The following GFM1 variants were observed in gnomAD, a reference collection of about 807,000 sequenced individuals.
GFM1 encodes the protein G elongation factor mitochondrial 1.
Under a neutral mutation model 96.2 loss-of-function variants are expected in GFM1, and 62 were observed. The observed-to-expected ratio is 0.64, with a 90% CI of 0.53 to 0.80. The LOEUF (loss-of-function observed/expected upper bound fraction) is 0.80, where lower values mean the gene tolerates loss of function less well. GFM1 is among the 30% of genes least tolerant of loss of function. The pLI is 0.00. For synonymous variants in GFM1, 282 were observed against 312.9 expected (o/e 0.90, Z 1.04); for missense variants, 852 against 916.6 (o/e 0.93, Z 0.91).
Position 158,662,626 on chromosome 3 carries a change from A to G in GFM1, c.1324-2A>G, listed in dbSNP as rs1437912171. The G allele has an allele frequency of 6.4e-7, 1 of 1,569,512 alleles. No individual in the cohort carries two copies. ...TCTGTTTTCTTTTAAAAAATATTTTAGGAGTCAATTCATGTTCCTGATCCT... is the reference window on the plus strand; with the variant it reads ...TCTGTTTTCTTTTAAAAAATATTTTGGGAGTCAATTCATGTTCCTGATCCT... On this transcript the variant is annotated splice_acceptor_variant, in intron 10 of 17. Transcript: ENST00000486715. LOFTEE classifies it high-confidence loss of function.
At chr3:158,666,028 T>G (rs1034842898) in intron 12 of GFM1, among the ~76,000 whole-genome samples, 6 of 152,180 alleles carry the variant, frequency 3.9e-5, no homozygotes, top group African/African-American at 1.4e-4. Flanking sequence ...CCAGTGAATA[T>G]GTAATAATAT....
In GFM1 at chr3:158,657,015, A is replaced by T. The variant is rs1237721136; in HGVS notation, c.1084-1907A>T. 2.0e-5 allele frequency: 3 copies of T among 152,200 alleles called. No individual in the cohort carries two copies. The East Asian group carries it at 5.8e-4, about 29-fold the overall frequency. 9.4% of individuals were successfully genotyped at this position (152,200 alleles called of 1,614,324 possible). A position where few individuals can be genotyped will look rare whatever the true frequency, so the allele number is the denominator to read the frequency against. Reference sequence around the variant, plus strand: ...TTTAAGTAAAATGGTATTAGAAACCAAGATTTGGGGACTGGATGGGCTTTT... The same window carrying T: ...TTTAAGTAAAATGGTATTAGAAACCTAGATTTGGGGACTGGATGGGCTTTT... On this transcript the variant is annotated intron_variant, in intron 8 of 17. Transcript: ENST00000486715.
Position 158,652,195 on chromosome 3 carries a change from G to T in GFM1, c.789G>T (p.Gln263His). The T allele has an allele frequency of 6.2e-7, 1 of 1,614,006 alleles. No homozygotes were observed. The highest frequency in any genetic ancestry group is 8.5e-7 in the Non-Finnish European group (1 of 1,179,918). Residue 263 changes from glutamine to histidine, a missense_variant, in exon 6 of 18, where the codon CAG (glutamine) becomes CAT (histidine). Transcript: ENST00000486715. ...LIECVANSDE[Q>H]LGEMFLEEKI... ...AATGTGTTGCCAATTCAGATGAACA[G>T]CTTGGTGAGATGTTTCTGGAAGAAA... is the stretch of plus-strand genomic sequence containing the variant.
intron 3 of GFM1, 26 bp downstream of exon 3, chr3:158,646,323 C>T (rs757926529): frequency 1.2e-6 from 2 of 1,612,926 alleles, no homozygotes; most frequent in Non-Finnish European, 1.7e-6. Flanking sequence ...GGTTTTATTG[C>T]AGCTTCTTTG....
intron 13 of GFM1, among the ~76,000 whole-genome samples, chr3:158,669,764 G>C (rs1411951408): frequency 6.6e-6 from 1 of 152,122 alleles, no homozygotes; most frequent in Non-Finnish European, 1.5e-5. Flanking sequence ...ATTGGGCCTG[G>C]CCTATTAAAT....
chr3:158,663,710 A>G (rs1302587255), intron 11 of GFM1, among the ~76,000 whole-genome samples: 1 of 152,176 alleles, frequency 6.6e-6, no homozygotes, highest in Non-Finnish European at 1.5e-5. Flanking sequence ...ATGCTTATGT[A>G]TTATGCTTCT....
intron 14 of GFM1, among the ~76,000 whole-genome samples, chr3:158,683,366 G>A (rs1268099528): frequency 2.0e-5 from 3 of 152,208 alleles, no homozygotes; most frequent in Non-Finnish European, 4.4e-5. Flanking sequence ...ACTAACTTAA[G>A]TGGTAGGAGC....
At chr3:158,682,304 G>C in intron 14 of GFM1, 147 bp downstream of exon 14, 1 of 676,058 alleles carries the variant, frequency 1.5e-6, no homozygotes, top group South Asian at 1.8e-5. Context: ...CTTTCCATCT[G>C]ATTTAGAATC....
intron 2 of GFM1, 41 bp from the exon 3 acceptor site, chr3:158,646,124 G>T (rs113884757): frequency 1.9e-6 from 3 of 1,613,312 alleles, no homozygotes; most frequent in Non-Finnish European, 2.5e-6. Flanking sequence ...TTCTTGGAAT[G>T]CAGGGACAGA....
At chr3:158,663,331 G>A (rs1403882036) in intron 11 of GFM1, among the ~76,000 whole-genome samples, 3 of 152,078 alleles carry the variant, frequency 2.0e-5, no homozygotes, top group African/African-American at 7.2e-5. Flanking sequence ...AAGTTGCCTT[G>A]GCATTCATAA....
chr3:158,672,891 A>T (rs148665190), intron 13 of GFM1, among the ~76,000 whole-genome samples: 220 of 152,294 alleles, frequency 1.4e-3, no homozygotes, highest in African/African-American at 5.2e-3. Context: ...TCGCTGATAT[A>T]GGACATCTCT....
chr3:158,663,261 G>T (rs1723334645), intron 11 of GFM1, among the ~76,000 whole-genome samples: 1 of 152,124 alleles, frequency 6.6e-6, no homozygotes, highest in South Asian at 2.1e-4. Flanking sequence ...ATTAGGTTTT[G>T]CATTTTCATT....
intron 13 of GFM1, among the ~76,000 whole-genome samples, chr3:158,680,848 C>T (rs1208146794): frequency 1.3e-5 from 2 of 152,046 alleles, no homozygotes; most frequent in African/African-American, 4.8e-5. Flanking sequence ...TACTTGTTTG[C>T]GATTTGGTCC....
At position 158,646,970 on chromosome 3, in the gene GFM1, A is replaced by C. The variant is rs746628536; in HGVS notation, c.572+23A>C. On this transcript the variant is annotated intron_variant, in intron 4 of 17. Transcript: ENST00000486715. Reference sequence around the variant, plus strand: ...GAGGTAATGAGCCTTAGAATAAACAAAGAGGATGTGATGATCTAGACAGCA... The same window carrying C: ...GAGGTAATGAGCCTTAGAATAAACACAGAGGATGTGATGATCTAGACAGCA... The C allele has an allele frequency of 2.5e-6, 4 of 1,581,514 alleles. No homozygotes were observed. In the African/African-American group the frequency reaches 4.0e-5, roughly 16 times the overall value.
intron 13 of GFM1, among the ~76,000 whole-genome samples, chr3:158,668,025 C>G (rs925965294): frequency 1.3e-5 from 2 of 152,166 alleles, no homozygotes; most frequent in Admixed American, 1.3e-4. Context: ...CTCAAGACTT[C>G]ACTCTTCTGA....
chr3:158,658,718 A>G (rs553690125), intron 8 of GFM1, among the ~76,000 whole-genome samples: 2 of 152,356 alleles, frequency 1.3e-5, no homozygotes, highest in East Asian at 3.9e-4. Flanking sequence ...TTAGATTGTG[A>G]TACCAAAAGG....
chr3:158,663,214 G>C (rs186371085), intron 11 of GFM1, among the ~76,000 whole-genome samples: 112 of 152,242 alleles, frequency 7.4e-4, no homozygotes, highest in Admixed American at 1.6e-3. Flanking sequence ...AATTGGGTTT[G>C]ATGTAATTTA....
chr3:158,651,987 G>C, intron 5 of GFM1, 109 bp from the exon 6 acceptor site: 1 of 886,208 alleles, frequency 1.1e-6, no homozygotes, highest in Admixed American at 2.0e-5. Context: ...ATGTATCAGA[G>C]CTCTTTGTTA....
chr3:158,688,150 G>A (rs1726017313), intron 15 of GFM1, among the ~76,000 whole-genome samples: 1 of 152,110 alleles, frequency 6.6e-6, no homozygotes, highest in Non-Finnish European at 1.5e-5. Flanking sequence ...ATTCATTTGA[G>A]CCTAATTTTA....
Sources: gnomAD v4.1 joint callset for allele counts (sites outside exome capture counted in the v4.1 genomes callset) on GRCh38, gnomAD v4.1.1 for gene constraint, MANE v1.5 for transcripts, NCBI Gene and HGNC (gene_info 2026-07-23, HGNC 2026-07-21) for gene names.